The following VPS37A variants were observed in gnomAD, a reference collection of about 807,000 sequenced individuals.
VPS37A encodes the protein vacuolar protein sorting-associated protein 37A.
A neutral mutation model predicts 49.8 loss-of-function variants in VPS37A; 30 were observed. That is an observed-to-expected ratio of 0.60 (90% confidence interval 0.45 to 0.82). The LOEUF is 0.82. Ranked by LOEUF, VPS37A falls within the 40% of genes least tolerant of loss-of-function variation. VPS37A has a pLI of 0.00. For synonymous variants in VPS37A, 195 were observed against 160.6 expected, an observed-to-expected ratio of 1.21 and a Z score of -1.62; for missense variants, 593 against 464.4, an observed-to-expected ratio of 1.28 and a Z score of -2.55.
At chr8:17,320,664 GC>G in the VPS37A span, among the ~76,000 whole-genome samples, 1 of 152,208 alleles carries the variant, frequency 6.6e-6, no homozygotes. Flanking sequence ...CCAAGTGCCA[GC>G]CCCGAGTTAA....
At chr8:17,256,788 G>T (rs992249817) in intron 1 of VPS37A, among the ~76,000 whole-genome samples, 10 of 151,962 alleles carry the variant, frequency 6.6e-5, no homozygotes, top group Non-Finnish European at 1.3e-4. Flanking sequence ...AAGTAGCTGG[G>T]ATTACAGGCA....
intron 1 of VPS37A, among the ~76,000 whole-genome samples, chr8:17,257,807 C>T (rs1345880180): frequency 6.6e-6 from 1 of 152,092 alleles, no homozygotes; most frequent in Non-Finnish European, 1.5e-5. Flanking sequence ...ATGTCCTCTT[C>T]AATTTCTTTC....
chr8:17,252,837 G>T (rs1186604307), intron 1 of VPS37A, among the ~76,000 whole-genome samples: 2 of 152,160 alleles, frequency 1.3e-5, no homozygotes, highest in African/African-American at 4.8e-5. Context: ...CATCTGTTAT[G>T]CCTTAGCCCA....
downstream of VPS37A, among the ~76,000 whole-genome samples, chr8:17,303,728 G>T (rs150653375): frequency 6.6e-6 from 1 of 151,732 alleles, no homozygotes; most frequent in Admixed American, 6.6e-5. Context: ...TCCTGTCTCA[G>T]CCTCCCGAGT....
chr8:17,302,682 T>G (rs1817194370), downstream of VPS37A, among the ~76,000 whole-genome samples: 1 of 137,634 alleles, frequency 7.3e-6, no homozygotes, highest in Admixed American at 7.8e-5. Context: ...CCACTAAAAG[T>G]TGACATTTGC....
chr8:17,274,954 T>A lies in VPS37A; in HGVS notation c.638T>A (p.Ile213Lys). Residue 213 changes from isoleucine (I) to lysine (K), a missense_variant, in exon 5 of 12, where the codon ATA becomes AAA. Ile to Lys is a moderately radical substitution (Grantham distance 102). Transcript: ENST00000324849. ...PLPIPTVDAS[I>K]PTSQNGFGYK... Reference sequence around the variant, plus strand: ...CCCATTCCCACAGTGGATGCTTCAATACCGGTTGGTATCGTCAGTTATCTA... The same window carrying A: ...CCCATTCCCACAGTGGATGCTTCAAAACCGGTTGGTATCGTCAGTTATCTA... The A allele has an allele frequency of 6.2e-7, 1 of 1,613,708 alleles. No individual in the cohort carries two copies. Among genetic ancestry groups the A allele is most frequent in the Non-Finnish European group, 8.5e-7 (1 of 1,179,600 alleles).
At chr8:17,265,327 G>C (rs1813344101) in intron 1 of VPS37A, among the ~76,000 whole-genome samples, 1 of 152,078 alleles carries the variant, frequency 6.6e-6, no homozygotes, top group Admixed American at 6.5e-5. Context: ...CTACTGGATG[G>C]GATTTAAGTC....
At chr8:17,294,253 G>T (rs1056308049) in intron 11 of VPS37A, among the ~76,000 whole-genome samples, 1 of 152,140 alleles carries the variant, frequency 6.6e-6, no homozygotes, top group Non-Finnish European at 1.5e-5. Context: ...TTTACACTGT[G>T]AGGGGAAAAC....
downstream of VPS37A, chr8:17,305,843 C>T: frequency 6.2e-7 from 1 of 1,613,638 alleles, no homozygotes; most frequent in Non-Finnish European, 8.5e-7. Context: ...GAATCAAAAA[C>T]CTCTCATTGA....
the VPS37A span, among the ~76,000 whole-genome samples, chr8:17,322,385 C>T: frequency 5.9e-5 from 9 of 152,248 alleles, no homozygotes; most frequent in Admixed American, 2.6e-4. Flanking sequence ...GAATAATGTG[C>T]TATTAGTATA....
At chr8:17,279,160 T>C (rs1270867839) in intron 6 of VPS37A, among the ~76,000 whole-genome samples, 1 of 152,174 alleles carries the variant, frequency 6.6e-6, no homozygotes, top group Non-Finnish European at 1.5e-5. Context: ...ACGGAGTTGT[T>C]GTGACTGCTT....
Position 17,276,436 on chromosome 8 carries a change from C to T in VPS37A, c.682C>T (p.Pro228Ser), listed in dbSNP as rs200847352. ...TTTTGGGTACAAGATGCCAGATGTCCCTGATGCATTTCCAGAACTCTCAGA... is the reference window on the plus strand; with the variant it reads ...TTTTGGGTACAAGATGCCAGATGTCTCTGATGCATTTCCAGAACTCTCAGA... ...NGFGYKMPDV[P>S]DAFPELSELS... is the part of the protein sequence containing the mutation. The change falls in exon 6 of 12, where the codon CCT (proline) becomes TCT (serine). Residue 228 changes from proline (P) to serine (S), a missense_variant. By Grantham distance (74) the Pro-to-Ser change is moderately conservative. Coordinates refer to ENST00000324849, the MANE Select transcript of VPS37A (RefSeq NM_152415.3). 1.2e-6 allele frequency: 2 copies of T among 1,612,130 alleles called. No homozygotes were observed. The highest frequency in any genetic ancestry group is 1.7e-6 in the Non-Finnish European group (2 of 1,179,100).
intron 1 of VPS37A, among the ~76,000 whole-genome samples, chr8:17,263,585 T>G (rs1471812129): frequency 6.6e-6 from 1 of 152,220 alleles, no homozygotes; most frequent in Non-Finnish European, 1.5e-5. Flanking sequence ...TGGACATTTC[T>G]AACCAATTAT....
intron 11 of VPS37A, among the ~76,000 whole-genome samples, chr8:17,287,794 C>T (rs1815750704): frequency 6.6e-6 from 1 of 152,142 alleles, no homozygotes. Context: ...AGAACATTCC[C>T]TGGAAGAGTA....
chr8:17,273,452 G>A (rs1047232457), intron 4 of VPS37A, among the ~76,000 whole-genome samples: 5 of 151,970 alleles, frequency 3.3e-5, no homozygotes, highest in African/African-American at 7.3e-5. Context: ...CTGCAAGCTC[G>A]GCCTCCCGGG....
chr8:17,249,783 G>A (rs908376744), intron 1 of VPS37A, among the ~76,000 whole-genome samples: 6 of 152,184 alleles, frequency 3.9e-5, no homozygotes, highest in African/African-American at 9.7e-5. Context: ...GTTAACAAGC[G>A]AAAAGCATAA....
chr8:17,303,582 C>CTCTCCCCAT (rs1414431819), downstream of VPS37A, among the ~76,000 whole-genome samples: 33 of 150,748 alleles, frequency 2.2e-4, no homozygotes, highest in African/African-American at 8.1e-4. Context: ...TGCCACCCTG[C>CTCTCCCCAT]TCTCCCCATT....
At chr8:17,287,272 G>C (rs1169199003) in intron 11 of VPS37A, among the ~76,000 whole-genome samples, 2 of 152,164 alleles carry the variant, frequency 1.3e-5, no homozygotes, top group African/African-American at 4.8e-5. Flanking sequence ...GGAAAGTACA[G>C]TCACCTGAGA....
chr8:17,268,217 T>G (rs765342244), intron 2 of VPS37A, 41 bp from the exon 3 acceptor site: 3 of 1,390,922 alleles, frequency 2.2e-6, no homozygotes, highest in Non-Finnish European at 2.0e-6. Flanking sequence ...TGTACCTTTG[T>G]TATCTTTGTT....
Sources: gnomAD v4.1 joint callset for allele counts (sites outside exome capture counted in the v4.1 genomes callset) on GRCh38, gnomAD v4.1.1 for gene constraint, MANE v1.5 for transcripts, NCBI Gene and HGNC (gene_info 2026-07-23, HGNC 2026-07-21) for gene names.